KCNQ5: variants seen among roughly 807,000 people sequenced by gnomAD.
KCNQ5 encodes the protein potassium voltage-gated channel subfamily KQT member 5.
KCNQ5 carries 30 observed loss-of-function variants against 98.2 expected under a neutral mutation model. The observed-to-expected ratio is 0.31, with a 90% CI of 0.23 to 0.41. The LOEUF (loss-of-function observed/expected upper bound fraction) is 0.41. Ranked by LOEUF, KCNQ5 falls within the 10% of genes least tolerant of loss-of-function variation. The pLI is 1.00. For synonymous variants in KCNQ5, 458 were observed against 449.4 expected (o/e 1.02, Z -0.24); for missense variants, 835 against 1,182.5 (o/e 0.71, Z 4.31).
At chr6:72,698,646 T>TTCC (rs1221299911) in intron 1 of KCNQ5, among the ~76,000 whole-genome samples, 1 of 123,744 alleles carries the variant, frequency 8.1e-6, no homozygotes, top group African/African-American at 3.8e-5. Flanking sequence ...TTTCTTCTTC[T>TTCC]TCTTTTTTTT....
intron 10 of KCNQ5, among the ~76,000 whole-genome samples, chr6:73,142,895 G>A (rs1384263956): frequency 6.6e-5 from 10 of 152,104 alleles, no homozygotes; most frequent in Non-Finnish European, 5.9e-5. Context: ...CAGCCTGGGC[G>A]ACAAGAGCAA....
At chr6:73,141,927 C>A (rs536181858) in intron 10 of KCNQ5, among the ~76,000 whole-genome samples, 1 of 152,178 alleles carries the variant, frequency 6.6e-6, no homozygotes, top group Non-Finnish European at 1.5e-5. Context: ...TATCCAGAAG[C>A]AGTTTAGCTG....
At chr6:72,776,307 T>A (rs1282414420) in intron 1 of KCNQ5, among the ~76,000 whole-genome samples, 1 of 152,208 alleles carries the variant, frequency 6.6e-6, no homozygotes, top group Non-Finnish European at 1.5e-5. Context: ...ATTCTTTGTT[T>A]TTTCTACAAA....
chr6:72,940,722 G>A (rs115293537), intron 1 of KCNQ5, among the ~76,000 whole-genome samples: 1 of 152,298 alleles, frequency 6.6e-6, no homozygotes, highest in Admixed American at 6.5e-5. Context: ...TAAGCACAAG[G>A]ATTCTGAATT....
At chr6:72,796,373 T>C (rs892016354) in intron 1 of KCNQ5, among the ~76,000 whole-genome samples, 1 of 152,078 alleles carries the variant, frequency 6.6e-6, no homozygotes, top group African/African-American at 2.4e-5. Flanking sequence ...TGGACAATGA[T>C]GTAGGTGTTG....
At chr6:72,778,262 C>T (rs931941685) in intron 1 of KCNQ5, among the ~76,000 whole-genome samples, 5 of 152,154 alleles carry the variant, frequency 3.3e-5, no homozygotes, top group East Asian at 1.9e-4. Context: ...ACAGGCCAGG[C>T]GCAGTGGCTC....
chr6:72,668,320 T>G (rs1462324546), intron 1 of KCNQ5, among the ~76,000 whole-genome samples: 1 of 152,212 alleles, frequency 6.6e-6, no homozygotes, highest in Non-Finnish European at 1.5e-5. Flanking sequence ...AACTCTGTGT[T>G]AAGCATTGCA....
chr6:72,698,076 A>T (rs932210810), intron 1 of KCNQ5, among the ~76,000 whole-genome samples: 1 of 152,138 alleles, frequency 6.6e-6, no homozygotes, highest in Non-Finnish European at 1.5e-5. Context: ...TAAATAATAA[A>T]AGTGTGTCCG....
intron 1 of KCNQ5, among the ~76,000 whole-genome samples, chr6:72,846,538 C>A (rs1351983023): frequency 1.3e-5 from 2 of 151,476 alleles, no homozygotes; most frequent in Non-Finnish European, 2.9e-5. Context: ...AATAGCCAGG[C>A]AAGGTAGCAC....
chr6:72,829,247 T>G (rs1776131700), intron 1 of KCNQ5, among the ~76,000 whole-genome samples: 1 of 152,166 alleles, frequency 6.6e-6, no homozygotes, highest in African/African-American at 2.4e-5. Context: ...AGTGCTCATT[T>G]CTGTATGTTC....
chr6:73,086,036 T>G (rs1773977260), intron 5 of KCNQ5, among the ~76,000 whole-genome samples: 1 of 152,188 alleles, frequency 6.6e-6, no homozygotes, highest in Admixed American at 6.5e-5. Flanking sequence ...AAAATTGACC[T>G]GGAAATTTTT....
At chr6:72,729,948 G>A (rs917191860) in intron 1 of KCNQ5, among the ~76,000 whole-genome samples, 1 of 152,116 alleles carries the variant, frequency 6.6e-6, no homozygotes, top group Non-Finnish European at 1.5e-5. Flanking sequence ...AACCTTTGAG[G>A]CCAGGAGTTT....
At chr6:73,187,219 C>T (rs1765400208) in intron 11 of KCNQ5, among the ~76,000 whole-genome samples, 1 of 152,082 alleles carries the variant, frequency 6.6e-6, no homozygotes, top group Non-Finnish European at 1.5e-5. Context: ...GTCACCACAC[C>T]CAGCTAATTT....
intron 1 of KCNQ5, among the ~76,000 whole-genome samples, chr6:72,818,628 A>C (rs1157081886): frequency 2.0e-5 from 3 of 151,626 alleles, no homozygotes; most frequent in African/African-American, 4.8e-5. Context: ...AGAAGTATAA[A>C]TATTACAGCA....
At position 72,658,347 on chromosome 6, in the gene KCNQ5, C is replaced by A. The variant is rs978694759; in HGVS notation, c.398+35760C>A. 6.6e-5 allele frequency among the ~76,000 whole-genome samples: 10 copies of A among 151,188 alleles called. No individual in the cohort carries two copies. The East Asian group carries it at 1.9e-3, about 29-fold the overall frequency. On this transcript the variant is annotated intron_variant, in intron 1 of 13. Coordinates refer to ENST00000370398, the MANE Select transcript of KCNQ5 (RefSeq NM_019842.4). ...CCAGGCTGGAGTGCAGTGGCATGGTCTTGGCTCACTGCAACCTCTGCCTCC... is the reference window on the plus strand; with the variant it reads ...CCAGGCTGGAGTGCAGTGGCATGGTATTGGCTCACTGCAACCTCTGCCTCC...
intron 1 of KCNQ5, among the ~76,000 whole-genome samples, chr6:72,762,468 C>T (rs780734124): frequency 7.3e-5 from 11 of 151,662 alleles, no homozygotes; most frequent in Admixed American, 2.6e-4. Context: ...ACTTTTTGAT[C>T]GAAGACAGCA....
chr6:73,097,142 C>CATATATATATATATAT (rs70994161), intron 5 of KCNQ5, among the ~76,000 whole-genome samples: 3,339 of 121,568 alleles, frequency 0.027, 92 homozygotes, highest in Non-Finnish European at 0.039. Flanking sequence ...CAATAGATCT[C>CATATATATATATATAT]ATATATATAT....
At chr6:73,032,849 G>A (rs1281993680) in intron 2 of KCNQ5, among the ~76,000 whole-genome samples, 5 of 151,952 alleles carry the variant, frequency 3.3e-5, no homozygotes, top group Middle Eastern at 3.2e-3. Flanking sequence ...AAAAACCTCA[G>A]TAAGGCTCCT....
chr6:73,093,828 T>C (rs1402888751), intron 5 of KCNQ5, among the ~76,000 whole-genome samples: 1 of 152,138 alleles, frequency 6.6e-6, no homozygotes, highest in East Asian at 1.9e-4. Context: ...TGGCCTGTCA[T>C]ATGGTCTACC....
Sources: allele counts gnomAD v4.1 joint callset (sites outside exome capture counted in the v4.1 genomes callset), GRCh38; gene constraint gnomAD v4.1.1; transcripts MANE v1.5; gene names NCBI Gene and HGNC (gene_info 2026-07-23, HGNC 2026-07-21).